APBB2: variants seen among roughly 807,000 people sequenced by gnomAD.
APBB2 encodes Fe65-like 1.
APBB2 carries 38 observed loss-of-function variants against 82.5 expected under a neutral mutation model. The ratio of observed to expected loss-of-function variants is 0.46; its 90% CI spans 0.36 to 0.60. APBB2 has a LOEUF of 0.60. APBB2 is among the 20% of genes least tolerant of loss of function. The probability of loss-of-function intolerance (pLI) is 0.00; values close to 1 mark genes in which losing one functional copy is unlikely to be tolerated. For synonymous variants in APBB2, 341 were observed against 368.2 expected, an observed-to-expected ratio of 0.93 and a Z score of 0.85; for missense variants, 772 against 972.3, an observed-to-expected ratio of 0.79 and a Z score of 2.74.
chr4:41,073,138 C>T (rs541603795), intron 3 of APBB2, among the ~76,000 whole-genome samples: 2 of 152,230 alleles, frequency 1.3e-5, no homozygotes, highest in African/African-American at 2.4e-5. Context: ...TTTCACCACC[C>T]CAGATAAGAT....
chr4:40,846,040 G>C (rs940798825), intron 12 of APBB2, among the ~76,000 whole-genome samples: 2 of 135,928 alleles, frequency 1.5e-5, no homozygotes, highest in Non-Finnish European at 3.2e-5. Context: ...GTGTGTGTGT[G>C]TGTGTGTCAT....
chr4:41,080,393 G>A (rs1413565171), intron 3 of APBB2, among the ~76,000 whole-genome samples: 1 of 152,204 alleles, frequency 6.6e-6, no homozygotes, highest in African/African-American at 2.4e-5. Flanking sequence ...ATGCAGTAAT[G>A]ACATTAATAG....
intron 6 of APBB2, among the ~76,000 whole-genome samples, chr4:41,007,925 AACTTAG>A (rs905792100): frequency 1.2e-4 from 18 of 152,352 alleles, no homozygotes; most frequent in Middle Eastern, 3.4e-3. Flanking sequence ...TGATAGCAGA[AACTTAG>A]AAACATTTCT....
intron 1 of APBB2, among the ~76,000 whole-genome samples, chr4:41,199,986 TG>T (rs1776296200): frequency 6.6e-6 from 1 of 152,234 alleles, no homozygotes; most frequent in African/African-American, 2.4e-5. Flanking sequence ...GGAAATGATC[TG>T]GTATGAGTAA....
At chr4:41,009,258 T>C (rs963926261) in intron 6 of APBB2, among the ~76,000 whole-genome samples, 2 of 151,900 alleles carry the variant, frequency 1.3e-5, no homozygotes, top group Non-Finnish European at 2.9e-5. Flanking sequence ...TTCAAAGTTC[T>C]CACTTTGCAG....
chr4:40,812,604 G>A lies in APBB2; in HGVS notation c.*3488C>T, dbSNP rs890604255. On this transcript the variant is annotated 3_prime_UTR_variant, in exon 18 of 18. Coordinates refer to ENST00000508593, the MANE Select transcript of APBB2 (RefSeq NM_004307.2). ...GCTAATATCAGTTAGGAAAATGCTT[G>A]TCATGTTGTGGTGAAATCTTGAGGA... 1 of 99,934 alleles carries A rather than the reference G, an allele frequency of 1.0e-5. No homozygotes were observed. Among genetic ancestry groups the A allele is most frequent in the African/African-American group, 4.2e-5 (1 of 23,936 alleles). The allele number at this position is 99,934 out of a possible 1,614,324, so 6.2% of individuals were successfully genotyped here.
At chr4:41,087,690 T>C (rs1579926052) in intron 3 of APBB2, among the ~76,000 whole-genome samples, 1 of 151,838 alleles carries the variant, frequency 6.6e-6, no homozygotes, top group South Asian at 2.1e-4. Context: ...CAGCCTCCCA[T>C]AGTGCTGGGA....
intron 12 of APBB2, among the ~76,000 whole-genome samples, chr4:40,847,737 A>C (rs1338666920): frequency 6.6e-6 from 1 of 151,772 alleles, no homozygotes; most frequent in Non-Finnish European, 1.5e-5. Flanking sequence ...AGTTCAAAGG[A>C]GTACTAGGGT....
At chr4:40,917,120 T>A (rs551577742) in intron 10 of APBB2, among the ~76,000 whole-genome samples, 4 of 152,206 alleles carry the variant, frequency 2.6e-5, no homozygotes, top group Non-Finnish European at 4.4e-5. Context: ...GACTGTCTTC[T>A]GAATGGACCT....
At chr4:41,149,230 G>A (rs995946745) in intron 1 of APBB2, among the ~76,000 whole-genome samples, 11 of 151,592 alleles carry the variant, frequency 7.3e-5, no homozygotes, top group African/African-American at 1.9e-4. Context: ...GTTTTACCAC[G>A]GGGAATATCA....
In APBB2 at chr4:40,832,675, T is replaced by A. The variant is rs1752436731; in HGVS notation, c.1530-2098A>T. ...GCCATCTCCATCCCCTTGCCAGGAC[T>A]CAGCTGAAGATGGGTGAGAGCCTGG... On this transcript the variant is annotated intron_variant, in intron 12 of 17. Coordinates refer to ENST00000508593, the MANE Select transcript of APBB2 (RefSeq NM_004307.2). This position sits in a 1 kb window ranked among gnomAD's most constrained non-coding sequence, Gnocchi z 4.8. Among the ~76,000 whole-genome samples the A allele has an allele frequency of 6.6e-6, 1 of 152,158 alleles. No homozygotes were observed. The highest frequency in any genetic ancestry group is 2.4e-5 in the African/African-American group (1 of 41,434).
chr4:41,084,835 G>A (rs931237325), intron 3 of APBB2: 12 of 152,030 alleles, frequency 7.9e-5, no homozygotes, highest in Admixed American at 7.9e-4. Context: ...TGAGGAGCAG[G>A]GAAGAAATGA....
At chr4:40,945,144 C>A in intron 6 of APBB2, 71 bp from the exon 7 acceptor site, 1 of 1,181,884 alleles carries the variant, frequency 8.5e-7, no homozygotes, top group South Asian at 1.3e-5. Context: ...CACTATTCGT[C>A]AGGTGAACCC....
intron 4 of APBB2, among the ~76,000 whole-genome samples, chr4:41,047,529 A>G (rs1476328812): frequency 6.6e-6 from 1 of 152,270 alleles, no homozygotes; most frequent in East Asian, 1.9e-4. Context: ...AAGAGTGTTC[A>G]TGATCCCTTT....
chr4:41,153,055 GT>G (rs1762660323), intron 1 of APBB2, among the ~76,000 whole-genome samples: 1 of 152,110 alleles, frequency 6.6e-6, no homozygotes, highest in Admixed American at 6.5e-5. Flanking sequence ...TTTCCTTTGA[GT>G]TTCATGCCCG....
chr4:40,942,344 G>GGT (rs1787224594), intron 7 of APBB2, among the ~76,000 whole-genome samples: 1 of 152,170 alleles, frequency 6.6e-6, no homozygotes, highest in African/African-American at 2.4e-5. Context: ...CAATACAAAT[G>GGT]GTACAGTGAG....
chr4:41,180,660 AC>A (rs1472139263), intron 1 of APBB2, among the ~76,000 whole-genome samples: 1 of 152,148 alleles, frequency 6.6e-6, no homozygotes, highest in Admixed American at 6.5e-5. Context: ...AAACAAAAAA[AC>A]AAAAACTACT....
intron 12 of APBB2, chr4:40,880,506 G>A (rs1387372860): frequency 1.0e-6 from 1 of 985,278 alleles, no homozygotes; most frequent in Admixed American, 6.1e-5. Flanking sequence ...TAAGTTCTGG[G>A]TTATCATGGT....
chr4:40,881,528 C>CTTTTTTTTTTTTTTTTTTTTTTTTT (rs148967363), intron 12 of APBB2: 21 of 154,416 alleles, frequency 1.4e-4, no homozygotes, highest in South Asian at 6.0e-4. Flanking sequence ...CTTTTCTTTT[C>CTTTTTTTTTTTTTTTTTTTTTTTTT]TTTTTCTTTT....
Sources: allele counts gnomAD v4.1 joint callset (sites outside exome capture counted in the v4.1 genomes callset), GRCh38; gene constraint gnomAD v4.1.1; non-coding constraint Gnocchi (gnomAD v3.1); transcripts MANE v1.5; gene names NCBI Gene and HGNC (gene_info 2026-07-23, HGNC 2026-07-21).